The following PICALM variants were observed in gnomAD, a reference collection of about 807,000 sequenced individuals.
PICALM encodes phosphatidylinositol binding clathrin assembly protein.
A neutral mutation model predicts 80.5 loss-of-function variants in PICALM; 40 were observed. The observed-to-expected ratio is 0.50, with a 90% CI of 0.39 to 0.65. The LOEUF (loss-of-function observed/expected upper bound fraction) is 0.65, where lower values mean the gene tolerates loss of function less well. Among genes scored for constraint, PICALM ranks in the 30% least tolerant of loss-of-function variants. The pLI, the probability that PICALM is intolerant of heterozygous loss-of-function variation, is 0.00. For missense variants in PICALM, 676 were observed against 778.9 expected (o/e 0.87, Z 1.57); for synonymous variants, 288 against 260.3 (o/e 1.11, Z -1.02).
rs1223187248 is a variant in PICALM at position 86,061,145 on chromosome 11, A to ACCAGCC, written c.130+7505_130+7506insGGCTGG. On this transcript the variant is annotated intron_variant, in intron 1 of 19. Coordinates refer to ENST00000393346, the MANE Select transcript of PICALM (RefSeq NM_007166.4). ...GGAGTTCAAGACCAGCCTGGCTAAT[A>ACCAGCC]TGGTCAAACGCCATCTCTACTAAAA... is the stretch of plus-strand genomic sequence containing the variant. Among the ~76,000 whole-genome samples, 8 of 152,056 alleles carry ACCAGCC rather than the reference A, an allele frequency of 5.3e-5. No individual in the cohort carries two copies. In the East Asian group the frequency reaches 1.5e-3, roughly 29 times the overall value.
chr11:86,006,214 G>A (rs568226752), intron 8 of PICALM, among the ~76,000 whole-genome samples: 5 of 152,284 alleles, frequency 3.3e-5, no homozygotes, highest in African/African-American at 1.2e-4. Context: ...TTTATTTCAA[G>A]TGGACATATA....
intron 13 of PICALM, among the ~76,000 whole-genome samples, chr11:85,987,191 T>A (rs2094598419): frequency 6.6e-6 from 1 of 152,208 alleles, no homozygotes; most frequent in Non-Finnish European, 1.5e-5. Flanking sequence ...CAGGGTATTA[T>A]TTAAACCTCA....
intron 4 of PICALM, among the ~76,000 whole-genome samples, chr11:86,020,504 C>A (rs1419158975): frequency 2.7e-5 from 4 of 150,108 alleles, no homozygotes; most frequent in African/African-American, 7.3e-5. Context: ...CAACAGTAAT[C>A]AAGACAATGT....
intron 13 of PICALM, 143 bp from the exon 14 acceptor site, chr11:85,984,116 A>G (rs1004309171): frequency 3.5e-5 from 20 of 564,352 alleles, no homozygotes; most frequent in Admixed American, 3.7e-5. Context: ...AATGTTTTCT[A>G]TATCACATTT....
chr11:86,002,074 T>C (rs2095160795), intron 9 of PICALM, among the ~76,000 whole-genome samples: 1 of 152,182 alleles, frequency 6.6e-6, no homozygotes, highest in Admixed American at 6.5e-5. Context: ...AATAACATAG[T>C]TGTGACAGAA....
intron 4 of PICALM, among the ~76,000 whole-genome samples, chr11:86,017,359 G>A (rs1222567774): frequency 1.3e-5 from 2 of 151,996 alleles, no homozygotes; most frequent in Non-Finnish European, 2.9e-5. Context: ...AGCTCACTGA[G>A]CTTGCTTGAA....
At chr11:85,985,124 T>C (rs1170536369) in intron 13 of PICALM, among the ~76,000 whole-genome samples, 1 of 152,148 alleles carries the variant, frequency 6.6e-6, no homozygotes, top group East Asian at 1.9e-4. Flanking sequence ...ACTTTTGGTG[T>C]CCTAAATTTA....
intron 1 of PICALM, among the ~76,000 whole-genome samples, chr11:86,034,121 A>G (rs2095803145): frequency 6.6e-6 from 1 of 152,234 alleles, no homozygotes; most frequent in Non-Finnish European, 1.5e-5. Flanking sequence ...AAAATTCTTC[A>G]CACATAATAA....
At chr11:86,009,284 C>A (rs1211369194) in intron 7 of PICALM, among the ~76,000 whole-genome samples, 2 of 86,620 alleles carry the variant, frequency 2.3e-5, no homozygotes, top group African/African-American at 4.9e-5. Context: ...CACAGCAAGT[C>A]TCTGTCTCAA....
At chr11:86,045,373 G>A (rs2096054187) in intron 1 of PICALM, among the ~76,000 whole-genome samples, 1 of 151,812 alleles carries the variant, frequency 6.6e-6, no homozygotes, top group African/African-American at 2.4e-5. Context: ...ACAGTGGTAT[G>A]CACCTGTAGT....
chr11:85,971,085 A>G (rs2094096742), intron 19 of PICALM, among the ~76,000 whole-genome samples: 1 of 152,230 alleles, frequency 6.6e-6, no homozygotes, highest in Non-Finnish European at 1.5e-5. Context: ...AATAATTAAA[A>G]GTAACATTAA....
chr11:85,994,470 T>C (rs557879455), intron 12 of PICALM, among the ~76,000 whole-genome samples: 10 of 152,344 alleles, frequency 6.6e-5, no homozygotes, highest in African/African-American at 2.2e-4. Flanking sequence ...GCGCATCATT[T>C]CTGTGGTGTT....
chr11:86,069,773 TTTTG>T (rs2137987364), upstream of PICALM: 1 of 152,422 alleles, frequency 6.6e-6, no homozygotes, highest in Non-Finnish European at 1.5e-5. Context: ...TGTCACCTGG[TTTTG>T]TTTATCTCTA....
At chr11:85,985,128 A>G (rs1362978092) in intron 13 of PICALM, among the ~76,000 whole-genome samples, 1 of 152,170 alleles carries the variant, frequency 6.6e-6, no homozygotes, top group African/African-American at 2.4e-5. Flanking sequence ...TTGGTGTCCT[A>G]AATTTAGGAT....
At chr11:86,023,375 C>T in intron 3 of PICALM, 1 of 858,354 alleles carries the variant, frequency 1.2e-6, no homozygotes, top group Non-Finnish European at 1.4e-6. Flanking sequence ...AATCAGTGAA[C>T]AAAATAGAAA....
intron 4 of PICALM, 69 bp from the exon 5 acceptor site, chr11:86,015,032 CT>C (rs974247769): frequency 1.0e-4 from 90 of 904,476 alleles, no homozygotes; most frequent in African/African-American, 9.4e-4. Context: ...AACTCCCCCC[CT>C]GGTTTTCTAC....
chr11:86,037,483 C>G (rs1417972347), intron 1 of PICALM, among the ~76,000 whole-genome samples: 1 of 151,458 alleles, frequency 6.6e-6, no homozygotes, highest in Non-Finnish European at 1.5e-5. Flanking sequence ...TGGTCTTGAA[C>G]TCCTGACCTT....
intron 3 of PICALM, chr11:86,023,445 C>G (rs902823991): frequency 2.0e-6 from 2 of 984,970 alleles, no homozygotes; most frequent in Admixed American, 6.1e-5. Flanking sequence ...GTGTTACATG[C>G]TCACATTCCT....
chr11:86,031,595 T>C lies in PICALM; in HGVS notation c.147A>G (p.Thr49=). The C allele has an allele frequency of 6.2e-7, 1 of 1,608,088 alleles. No homozygotes were observed. The highest frequency in any genetic ancestry group is 8.5e-7 in the Non-Finnish European group (1 of 1,178,438). Residue 49 remains threonine, a synonymous_variant, in exon 2 of 20, where the codon ACA becomes ACG. Transcript: ENST00000393346. ...KKHLDYLIQC[T]NEMNVNIPQL... Reference sequence around the variant, plus strand: ...GTGGGATGTTCACATTCATCTCATTTGTGCACTGAATTAAGTCTGCAATAA... The same window carrying C: ...GTGGGATGTTCACATTCATCTCATTCGTGCACTGAATTAAGTCTGCAATAA...
Sources: allele counts gnomAD v4.1 joint callset (sites outside exome capture counted in the v4.1 genomes callset), GRCh38; gene constraint gnomAD v4.1.1; transcripts MANE v1.5; gene names NCBI Gene and HGNC (gene_info 2026-07-23, HGNC 2026-07-21).